AMZ2: variants seen among roughly 807,000 people sequenced by gnomAD.
The protein encoded by AMZ2 is archaelysin family metallopeptidase 2, also known as archaemetzincin-2.
Under a neutral mutation model 36.7 loss-of-function variants are expected in AMZ2, and 26 were observed. The ratio of observed to expected loss-of-function variants is 0.71; its 90% CI spans 0.52 to 0.98. The LOEUF is 0.98. Ranked by LOEUF, AMZ2 falls within the 50% of genes least tolerant of loss-of-function variation. The probability of loss-of-function intolerance (pLI) is 0.00; values close to 1 mark genes in which losing one functional copy is unlikely to be tolerated. For synonymous variants in AMZ2, 144 were observed against 149.1 expected (o/e 0.97, Z 0.25); for missense variants, 394 against 430.5 (o/e 0.92, Z 0.75).
chr17:68,249,721 A>G (rs2074300134), intron 1 of AMZ2: 1 of 159,558 alleles, frequency 6.3e-6, no homozygotes, highest in Non-Finnish European at 1.4e-5. Context: ...GTCATGGCTC[A>G]CTGCAGCCTC....
upstream of AMZ2, among the ~76,000 whole-genome samples, chr17:68,244,724 C>T (rs9915529): frequency 0.32 from 48,380 of 152,034 alleles, 7,903 homozygotes; most frequent in Admixed American, 0.43. Flanking sequence ...GAAGAGAATG[C>T]AGGGATTCTT....
intron 1 of AMZ2, among the ~76,000 whole-genome samples, chr17:68,211,784 G>A (rs1599265696): frequency 1.0e-5 from 1 of 99,318 alleles, no homozygotes. Flanking sequence ...ATGTATATAT[G>A]TATATGTATA....
chr17:68,224,182 A>G (rs1555729283), intron 1 of AMZ2, among the ~76,000 whole-genome samples: 2 of 152,202 alleles, frequency 1.3e-5, no homozygotes, highest in African/African-American at 4.8e-5. Flanking sequence ...ACCTCAGGTG[A>G]TCTGCCAGCC....
At chr17:68,229,440 G>A (rs1405354476) in intron 1 of AMZ2, among the ~76,000 whole-genome samples, 3 of 152,158 alleles carry the variant, frequency 2.0e-5, no homozygotes, top group East Asian at 3.9e-4. Context: ...CCTTGCTTTC[G>A]ACCCTGAGAA....
chr17:68,227,752 A>C (rs1259550125), intron 1 of AMZ2, among the ~76,000 whole-genome samples: 1 of 152,132 alleles, frequency 6.6e-6, no homozygotes, highest in African/African-American at 2.4e-5. Flanking sequence ...CTGTAATCCC[A>C]GTGCTTTGGG....
At chr17:68,226,934 G>C (rs1346315024) in intron 1 of AMZ2, among the ~76,000 whole-genome samples, 1 of 148,412 alleles carries the variant, frequency 6.7e-6, no homozygotes. Flanking sequence ...CTGTGGCACA[G>C]CAGGGTTAGG....
At chr17:68,251,652 G>T (rs1243536945) in intron 4 of AMZ2, among the ~76,000 whole-genome samples, 3 of 152,024 alleles carry the variant, frequency 2.0e-5, no homozygotes, top group Non-Finnish European at 4.4e-5. Flanking sequence ...GGGCAATAAA[G>T]TGAGACCGTG....
rs1468219497 is a variant in AMZ2 at position 68,235,832 on chromosome 17, A to C, written c.-66-12808A>C. On this transcript the variant is annotated intron_variant, in intron 1 of 7. Transcript: ENST00000674770. This position sits in a 1 kb window ranked among gnomAD's most constrained non-coding sequence, Gnocchi z 4.2. The stretch of plus-strand genomic sequence containing the variant: ...CCTCCAAGACTTAGCCCAAAATCTT[A>C]CTTTTTTTTTTTTTCGAGATAGTTT... 4.1e-5 allele frequency among the ~76,000 whole-genome samples: 6 copies of C among 145,720 alleles called. No homozygotes were observed. In the Admixed American group the frequency reaches 4.1e-4, roughly 10 times the overall value.
At chr17:68,231,933 T>A (rs1290968805) in intron 1 of AMZ2, among the ~76,000 whole-genome samples, 1 of 152,088 alleles carries the variant, frequency 6.6e-6, no homozygotes, top group Non-Finnish European at 1.5e-5. Context: ...AAAAAATCAC[T>A]CATTGTTCAT....
intron 1 of AMZ2, chr17:68,248,964 A>G (rs112868560): frequency 1.3e-5 from 10 of 776,464 alleles, no homozygotes; most frequent in African/African-American, 1.1e-4. Flanking sequence ...AAATATGACA[A>G]AGATGATCCA....
intron 1 of AMZ2, among the ~76,000 whole-genome samples, chr17:68,209,632 A>ATATATATGTATATATATT: frequency 2.2e-5 from 2 of 90,688 alleles, no homozygotes; most frequent in East Asian, 8.3e-4. Context: ...ATATATATAT[A>ATATATATGTATATATATT]TTTTTTTTTT....
upstream of AMZ2, among the ~76,000 whole-genome samples, chr17:68,243,499 A>G (rs1276698820): frequency 3.9e-5 from 6 of 152,244 alleles, no homozygotes; most frequent in Non-Finnish European, 7.3e-5. Flanking sequence ...TTTATGGTCT[A>G]TGATTAATAA....
rs530091156 is a variant in AMZ2, at chr17:68,250,603, T to C, written c.283+133T>C. On this transcript the variant is annotated intron_variant, in intron 2 of 6. Transcript: ENST00000359904. ...TTGATATTCATTGCGGCGGTACAAG[T>C]TTTGTAGCCAAACTGACTTAAAAGA... is the stretch of plus-strand genomic sequence containing the variant. 8.4e-5 allele frequency: 110 copies of C among 1,302,890 alleles called. 2 individuals carry two copies. In the South Asian group the frequency reaches 1.4e-3, roughly 17 times the overall value. 80.7% of individuals were successfully genotyped at this position (1,302,890 alleles called of 1,614,324 possible).
chr17:68,221,209 T>TCCCCCCC lies in AMZ2; in HGVS notation c.-67+14974_-67+14980dup, dbSNP rs55937321. Among the ~76,000 whole-genome samples the TCCCCCCC allele has an allele frequency of 5.3e-3, 355 of 66,742 alleles. 7 individuals are homozygous for TCCCCCCC. The highest frequency in any genetic ancestry group is 6.3e-3 in the Non-Finnish European group (235 of 37,344). 43.8% of individuals were successfully genotyped at this position (66,742 alleles called of 152,430 possible). On this transcript the variant is annotated intron_variant, in intron 1 of 7. Coordinates refer to the AMZ2 transcript ENST00000674770. ...TGATCTTCCTGCCTCAGCCCTCAGC[T>TCCCCCCC]CCCCCCCCCGCCCCCCCGGTAGCTA...
At chr17:68,212,737 G>T (rs2073099688) in intron 1 of AMZ2, among the ~76,000 whole-genome samples, 1 of 151,760 alleles carries the variant, frequency 6.6e-6, no homozygotes, top group African/African-American at 2.4e-5. Flanking sequence ...CCTGGCTAAT[G>T]TCTTTTGTTT....
chr17:68,238,514 T>C (rs2073836493), intron 1 of AMZ2, among the ~76,000 whole-genome samples: 1 of 151,934 alleles, frequency 6.6e-6, no homozygotes. Context: ...TTCTTTGACT[T>C]TACTGTATTT....
intron 4 of AMZ2, among the ~76,000 whole-genome samples, chr17:68,254,054 A>C (rs111371788): frequency 2.6e-5 from 4 of 152,194 alleles, no homozygotes; most frequent in African/African-American, 9.6e-5. Flanking sequence ...CCATGTGGTT[A>C]TTTTTTATGA....
intron 1 of AMZ2, among the ~76,000 whole-genome samples, chr17:68,214,921 C>T (rs1185018725): frequency 1.4e-5 from 2 of 140,336 alleles, no homozygotes; most frequent in East Asian, 4.2e-4. Flanking sequence ...ATAGCTGGGA[C>T]TACAGGTGTG....
chr17:68,247,246 A>T (rs2074059289), upstream of AMZ2: 1 of 150,316 alleles, frequency 6.7e-6, no homozygotes, highest in Non-Finnish European at 1.5e-5. Flanking sequence ...TGAGGCGGGA[A>T]AATCGCTTGA....
Sources: gnomAD v4.1 joint callset for allele counts (sites outside exome capture counted in the v4.1 genomes callset) on GRCh38, gnomAD v4.1.1 for gene constraint, Gnocchi (gnomAD v3.1) non-coding constraint, MANE v1.5 for transcripts, NCBI Gene and HGNC (gene_info 2026-07-23, HGNC 2026-07-21) for gene names.